MYT1: variants seen among roughly 807,000 people sequenced by gnomAD.
The protein encoded by MYT1 is myelin transcription factor 1.
In MYT1, 23 loss-of-function variants were observed where a neutral mutation model predicts 123.0. That is an observed-to-expected ratio of 0.19 (90% CI 0.13 to 0.26). The LOEUF (loss-of-function observed/expected upper bound fraction) is 0.26. MYT1 is among the 10% of genes least tolerant of loss of function. MYT1 has a pLI of 1.00. For missense variants in MYT1, 1,125 were observed against 1,472.5 expected (o/e 0.76, Z 3.86); for synonymous variants, 518 against 575.3 (o/e 0.90, Z 1.43).
chr20:64,223,357 C>A lies in MYT1; in HGVS notation c.2526C>A (p.Leu842=). Residue 842 remains leucine (L), a splice_region_variant and synonymous_variant, in exon 16 of 23, where the codon CTC becomes CTA. Coordinates refer to ENST00000328439, the MANE Select transcript of MYT1 (RefSeq NM_004535.3). ...TCATGGCTGCCCACTCTGCTGACCT[C>A]AAGTATGTTTGCGCTCCCTGACCTC... ...RNLMAAHSAD[L]KCPTPGCDGS... 1 of 1,614,068 alleles carries A rather than the reference C, an allele frequency of 6.2e-7. No individual in the cohort carries two copies. Among genetic ancestry groups the A allele is most frequent in the Non-Finnish European group, 8.5e-7 (1 of 1,179,970 alleles).
intron 19 of MYT1, among the ~76,000 whole-genome samples, chr20:64,234,043 A>G (rs1984423259): frequency 3.3e-5 from 5 of 152,250 alleles, no homozygotes; most frequent in Admixed American, 3.3e-4. Context: ...GAAGCCGGGA[A>G]GGCCACTAAA....
intron 6 of MYT1, 22 bp downstream of exon 6, chr20:64,205,822 C>T: frequency 6.2e-7 from 1 of 1,610,896 alleles, no homozygotes; most frequent in Non-Finnish European, 8.5e-7. Context: ...CTCTTTCTTC[C>T]CCGAATAAAG....
chr20:64,239,593 G>T (rs1984652004), intron 21 of MYT1, among the ~76,000 whole-genome samples, 167 bp from the exon 22 acceptor site: 1 of 152,024 alleles, frequency 6.6e-6, no homozygotes, highest in Admixed American at 6.5e-5. Flanking sequence ...TCCTCTGCCA[G>T]CCCCTCACCT....
chr20:64,237,408 C>T lies in MYT1; in HGVS notation c.3093+18C>T. 1 of 1,576,122 alleles carries T rather than the reference C, an allele frequency of 6.3e-7. No homozygotes were observed. Among genetic ancestry groups the T allele is most frequent in the Non-Finnish European group, 8.6e-7 (1 of 1,157,892 alleles). The stretch of plus-strand genomic sequence containing the variant: ...AGTCCCAGGTAGGTGGTGCCGCCCC[C>T]CGCTCCTGGGCTCTTTGCCCACCCA... On this transcript the variant is annotated intron_variant, in intron 21 of 22. Coordinates refer to ENST00000328439, the MANE Select transcript of MYT1 (RefSeq NM_004535.3).
intron 1 of MYT1, among the ~76,000 whole-genome samples, chr20:64,188,118 ACT>A (rs1414133688): frequency 1.3e-5 from 2 of 151,950 alleles, no homozygotes; most frequent in African/African-American, 4.8e-5. Context: ...GTATTTCCAG[ACT>A]CCCATGGGTG....
At chr20:64,187,449 G>A (rs1001821456) in intron 1 of MYT1, among the ~76,000 whole-genome samples, 8 of 151,500 alleles carry the variant, frequency 5.3e-5, no homozygotes, top group Non-Finnish European at 7.4e-5. Context: ...ACGTGGCCCC[G>A]GCATCCACGT....
chr20:64,223,453 G>C, intron 16 of MYT1, 94 bp downstream of exon 16: 1 of 1,421,752 alleles, frequency 7.0e-7, no homozygotes, highest in East Asian at 2.3e-5. Flanking sequence ...CCTTCTCCAA[G>C]GTGCCAAGCC....
intron 16 of MYT1, among the ~76,000 whole-genome samples, chr20:64,226,481 C>A (rs1430243282): frequency 1.3e-5 from 2 of 152,188 alleles, no homozygotes; most frequent in Admixed American, 6.5e-5. Flanking sequence ...CTGCAAAGTG[C>A]CTTTGAGCAG....
At chr20:64,187,121 G>A (rs1161442001) in intron 1 of MYT1, among the ~76,000 whole-genome samples, 328 of 65,322 alleles carry the variant, frequency 5.0e-3, no homozygotes, top group Middle Eastern at 0.031. Context: ...GTTTTCCTGT[G>A]GCACGTGGCC....
rs1601715597 is a variant in MYT1 at position 64,212,091 on chromosome 20, C to A, written c.1470C>A (p.Gly490=). Residue 490 remains glycine, a synonymous_variant, in exon 9 of 23, where the codon GGC becomes GGA. Coordinates refer to ENST00000328439, the MANE Select transcript of MYT1 (RefSeq NM_004535.3). The surrounding 1 kb of genome is among the most constrained non-coding windows in gnomAD (Gnocchi z 6.8). ...HENVLKCPTP[G]CTGQGHVNSN... The stretch of plus-strand genomic sequence containing the variant: ...ACGTGCTGAAGTGCCCCACTCCTGG[C>A]TGCACAGGCCAGGGTCACGTGAACA... The A allele has an allele frequency of 6.2e-7, 1 of 1,613,836 alleles. No individual in the cohort carries two copies. The highest frequency in any genetic ancestry group is 1.3e-5 in the African/African-American group (1 of 75,014).
Position 64,165,399 on chromosome 20 carries a change from TA to T in MYT1, c.-99+661del, listed in dbSNP as rs539148359. 1.9e-4 allele frequency among the ~76,000 whole-genome samples: 29 copies of T among 152,318 alleles called. No individual in the cohort carries two copies. In the East Asian group the frequency reaches 5.6e-3, roughly 29 times the overall value. ...TGTGGAGTGTGGTTGTTTATGGTGGTAGTGTAACTGGATTTTTGTATTTAAA... is the reference window on the plus strand; with the variant it reads ...TGTGGAGTGTGGTTGTTTATGGTGGTGTGTAACTGGATTTTTGTATTTAAA... On this transcript the variant is annotated intron_variant, in intron 1 of 22. Transcript: ENST00000328439.
intron 10 of MYT1, among the ~76,000 whole-genome samples, chr20:64,214,360 C>A (rs1043656890): frequency 6.6e-6 from 1 of 152,000 alleles, no homozygotes; most frequent in South Asian, 2.1e-4. Flanking sequence ...CGCATATGTG[C>A]GAGTATGTTT....
rs200220181 is a variant in MYT1, at chr20:64,223,189, G to C, written c.2459+16G>C. ...CCCACCGCAGGTTTGTCTCCTGCTC[G>C]GGTCCGTCTGGCCTGGGTGCTTCGT... is the stretch of plus-strand genomic sequence containing the variant. On this transcript the variant is annotated intron_variant, in intron 15 of 22. Transcript: ENST00000328439. 1.2e-6 allele frequency: 2 copies of C among 1,614,124 alleles called. No homozygotes were observed. Among genetic ancestry groups the C allele is most frequent in the Middle Eastern group, 1.6e-4 (1 of 6,062 alleles).
intron 1 of MYT1, among the ~76,000 whole-genome samples, chr20:64,178,576 C>T (rs1982541856): frequency 2.0e-5 from 3 of 148,140 alleles, no homozygotes; most frequent in African/African-American, 7.5e-5. Flanking sequence ...CGGTGGGATA[C>T]CCTTCAACGT....
At position 64,202,111 on chromosome 20, in the gene MYT1, G is replaced by A. The variant is rs1983340558; in HGVS notation, c.86+2189G>A. Among the ~76,000 whole-genome samples, 1 of 152,138 alleles carries A rather than the reference G, an allele frequency of 6.6e-6. No individual in the cohort carries two copies. The highest frequency in any genetic ancestry group is 2.4e-5 in the African/African-American group (1 of 41,418). Reference sequence around the variant, plus strand: ...CTGTGGATGACTTAACACTGCATTGGCTCAGAACTTCACAGCCTGCAGTGC... The same window carrying A: ...CTGTGGATGACTTAACACTGCATTGACTCAGAACTTCACAGCCTGCAGTGC... On this transcript the variant is annotated intron_variant, in intron 4 of 22. Transcript: ENST00000328439. This position sits in a 1 kb window ranked among gnomAD's most constrained non-coding sequence, Gnocchi z 5.0.
rs1040494296 is a variant in MYT1 at position 64,185,785 on chromosome 20, G to A, written c.-98-4278G>A. On this transcript the variant is annotated intron_variant, in intron 1 of 22. Transcript: ENST00000328439. The surrounding 1 kb of genome is among the most constrained non-coding windows in gnomAD (Gnocchi z 4.5). The stretch of plus-strand genomic sequence containing the variant: ...CCAGTGCAAGGAGGAAGTGTGTGCT[G>A]GCAGTGGGTCAGCCGGCAGCTGGGG... Among the ~76,000 whole-genome samples, 1 of 152,250 alleles carries A rather than the reference G, an allele frequency of 6.6e-6. No homozygotes were observed. Among genetic ancestry groups the A allele is most frequent in the Non-Finnish European group, 1.5e-5 (1 of 68,050 alleles).
At chr20:64,220,045 G>C in intron 13 of MYT1, 63 bp downstream of exon 13, 4 of 1,420,042 alleles carry the variant, frequency 2.8e-6, no homozygotes, top group Non-Finnish European at 3.7e-6. Context: ...GCCTGAGGCT[G>C]TTGTGATATT....
intron 20 of MYT1, among the ~76,000 whole-genome samples, chr20:64,237,027 C>T (rs1346304635): frequency 1.3e-5 from 2 of 152,192 alleles, no homozygotes; most frequent in African/African-American, 2.4e-5. Context: ...TTTAATACCT[C>T]CCAAAGAGAT....
Position 64,207,922 on chromosome 20 carries a change from T to C in MYT1, c.726T>C (p.Asp242=), listed in dbSNP as rs141413774. ...SQDLCPQSLE[D]AASEESSKQK... is the part of the protein sequence containing the mutation. ...ACCTGTGTCCCCAGTCCCTGGAGGATGCAGCCAGTGAGGAGTCCAGCAAGC... is the reference window on the plus strand; with the variant it reads ...ACCTGTGTCCCCAGTCCCTGGAGGACGCAGCCAGTGAGGAGTCCAGCAAGC... Residue 242 remains aspartate (D), a synonymous_variant, in exon 7 of 23, where the codon GAT becomes GAC. Transcript: ENST00000328439. 78 of 1,607,852 alleles carry C rather than the reference T, an allele frequency of 4.9e-5. No individual in the cohort carries two copies. The highest frequency in any genetic ancestry group is 6.5e-5 in the Non-Finnish European group (77 of 1,178,140).
Sources: gnomAD v4.1 joint callset for allele counts (sites outside exome capture counted in the v4.1 genomes callset) on GRCh38, gnomAD v4.1.1 for gene constraint, Gnocchi (gnomAD v3.1) non-coding constraint, MANE v1.5 for transcripts, NCBI Gene and HGNC (gene_info 2026-07-23, HGNC 2026-07-21) for gene names.